EWSR1: variants seen among roughly 807,000 people sequenced by gnomAD.
EWSR1 encodes RNA-binding protein EWS.
In EWSR1, 14 loss-of-function variants were observed where a neutral mutation model predicts 92.1. The ratio of observed to expected loss-of-function variants is 0.15; its 90% confidence interval spans 0.10 to 0.24. EWSR1 has a LOEUF of 0.24. EWSR1 is among the 10% of genes least tolerant of loss of function. EWSR1 has a pLI of 1.00. For synonymous variants in EWSR1, 303 were observed against 292.9 expected, an observed-to-expected ratio of 1.03 and a Z score of -0.35; for missense variants, 637 against 870.9, an observed-to-expected ratio of 0.73 and a Z score of 3.38.
chr22:29,268,912 C>A (rs1449264450), intron 1 of EWSR1, among the ~76,000 whole-genome samples: 1 of 152,254 alleles, frequency 6.6e-6, no homozygotes, highest in Non-Finnish European at 1.5e-5. Flanking sequence ...TCTGGCGCTG[C>A]CGAGCTGCCC....
At chr22:29,269,584 A>G (rs1449183631) in intron 1 of EWSR1, 1 of 152,214 alleles carries the variant, frequency 6.6e-6, no homozygotes, top group Non-Finnish European at 1.5e-5. Context: ...AGTTCTGGGC[A>G]CTCCAGAGTT....
intron 7 of EWSR1, among the ~76,000 whole-genome samples, chr22:29,287,748 G>A (rs977090906): frequency 6.6e-6 from 1 of 152,224 alleles, no homozygotes; most frequent in Non-Finnish European, 1.5e-5. Context: ...TATGCAGTGA[G>A]TAAATTCAAC....
intron 6 of EWSR1, among the ~76,000 whole-genome samples, chr22:29,286,118 C>T (rs1482258639): frequency 1.3e-5 from 2 of 151,616 alleles, no homozygotes; most frequent in African/African-American, 2.4e-5. Context: ...AGATTACAAG[C>T]GTGAGCCACC....
intron 3 of EWSR1, among the ~76,000 whole-genome samples, chr22:29,273,059 A>G (rs2058811859): frequency 1.3e-5 from 2 of 152,248 alleles, no homozygotes; most frequent in Admixed American, 6.5e-5. Flanking sequence ...CAGATCTTAC[A>G]TAACTGGTCA....
rs558460548 is a variant in EWSR1 at position 29,268,718 on chromosome 22, G to C, written c.13+369G>C. Among the ~76,000 whole-genome samples the C allele has an allele frequency of 6.7e-4, 102 of 152,354 alleles. 1 individual carries two copies. Among genetic ancestry groups the C allele is most frequent in the African/African-American group, 2.3e-3 (94 of 41,598 alleles). On this transcript the variant is annotated intron_variant, in intron 1 of 16. Transcript: ENST00000397938. ...GGAGGATTTGGCCAGGCCTCAAGCC[G>C]GTCACTATGAAACCGCCGGGGGGCC...
At position 29,279,219 on chromosome 22, in the gene EWSR1, T is replaced by C. The variant is rs546707564; in HGVS notation, c.413+1003T>C. ...TACTTTTGATGCTTTTATCTTTGATTTCATTGACCCTGTAAATGGGTAACC... is the reference window on the plus strand; with the variant it reads ...TACTTTTGATGCTTTTATCTTTGATCTCATTGACCCTGTAAATGGGTAACC... On this transcript the variant is annotated intron_variant, in intron 5 of 16. Transcript: ENST00000397938. 2.3e-4 allele frequency among the ~76,000 whole-genome samples: 35 copies of C among 152,314 alleles called. No homozygotes were observed. In the South Asian group the frequency reaches 6.6e-3, roughly 29 times the overall value.
At chr22:29,271,893 T>G (rs1250095082) in intron 1 of EWSR1, among the ~76,000 whole-genome samples, 1 of 152,220 alleles carries the variant, frequency 6.6e-6, no homozygotes, top group East Asian at 1.9e-4. Context: ...TGTCAGTCTG[T>G]GATATTGATG....
At chr22:29,292,392 A>AT in intron 10 of EWSR1, 96 bp from the exon 11 acceptor site, 2 of 989,474 alleles carry the variant, frequency 2.0e-6, no homozygotes, top group Non-Finnish European at 3.1e-6. Flanking sequence ...GTTTTCTTAG[A>AT]TTTATGATGA....
intron 1 of EWSR1, among the ~76,000 whole-genome samples, chr22:29,271,609 G>C (rs1166841937): frequency 6.6e-6 from 1 of 152,152 alleles, no homozygotes; most frequent in Non-Finnish European, 1.5e-5. Context: ...AATATATCTA[G>C]CTTTTAAGTT....
rs374370891 is a variant in EWSR1, at chr22:29,298,899, T to C, written c.1580+4T>C. ...GAGACTGGCAGTGTCCCAATCCGTATGTACTTGTCTTGGCAAATTGATACC... is the reference window on the plus strand; with the variant it reads ...GAGACTGGCAGTGTCCCAATCCGTACGTACTTGTCTTGGCAAATTGATACC... On this transcript the variant is annotated splice_donor_region_variant and intron_variant, in intron 14 of 16. Transcript: ENST00000397938. 6.1e-5 allele frequency: 94 copies of C among 1,536,778 alleles called. No individual in the cohort carries two copies. The highest frequency in any genetic ancestry group is 7.8e-5 in the Non-Finnish European group (90 of 1,148,422).
Position 29,297,947 on chromosome 22 carries a change from G to C in EWSR1, c.1415G>C (p.Gly472Ala). 2 of 1,611,752 alleles carry C rather than the reference G, an allele frequency of 1.2e-6. No individual in the cohort carries two copies. Among genetic ancestry groups the C allele is most frequent in the Non-Finnish European group, 1.7e-6 (2 of 1,179,140 alleles). The change falls in exon 13 of 17, where the codon GGA becomes GCA. Residue 472 changes from glycine (G) to alanine (A), a missense_variant and splice_region_variant. Transcript: ENST00000397938. ...EGRGMPPPLR[G>A]GPGGPGGPGG... ...AGAGGCATGCCACCACCACTCCGTG[G>C]AGGTACTTTTTCTGAGCTCCTATGT...
In EWSR1 at chr22:29,299,306, C is replaced by T. The variant is rs765577876; in HGVS notation, c.1653C>T (p.Phe551=). 4 of 1,613,886 alleles carry T rather than the reference C, an allele frequency of 2.5e-6. No individual in the cohort carries two copies. The South Asian group carries it at 3.3e-5, about 13-fold the overall frequency. Residue 551 remains phenylalanine (F), a synonymous_variant, in exon 15 of 17, where the codon TTC becomes TTT. Transcript: ENST00000397938. ...GTAAGGCCCCAAAGCCTGAAGGCTT[C>T]CTCCCGCCACCCTTTCCGCCCCCGG... ...NQCKAPKPEG[F]LPPPFPPPGG... is the part of the protein sequence containing the mutation.
chr22:29,296,139 T>A, intron 11 of EWSR1, 100 bp from the exon 12 acceptor site: 1 of 1,198,792 alleles, frequency 8.3e-7, no homozygotes, highest in Non-Finnish European at 1.2e-6. Context: ...AGTGACTTAC[T>A]ACATGTGAGA....
intron 6 of EWSR1, among the ~76,000 whole-genome samples, chr22:29,286,252 G>C (rs1248063294): frequency 6.6e-6 from 1 of 152,050 alleles, no homozygotes; most frequent in African/African-American, 2.4e-5. Context: ...CCGGGTTCAT[G>C]CCATTCCCCC....
intron 4 of EWSR1, among the ~76,000 whole-genome samples, chr22:29,274,885 C>G (rs1331744046): frequency 6.6e-6 from 1 of 152,098 alleles, no homozygotes; most frequent in Non-Finnish European, 1.5e-5. Context: ...GCTGTCTCCC[C>G]CTGCCCTTTT....
At chr22:29,290,094 T>A in intron 8 of EWSR1, 1 of 269,560 alleles carries the variant, frequency 3.7e-6, no homozygotes, top group Non-Finnish European at 7.0e-6. Context: ...CTACTAATTG[T>A]GCTAGACTTT....
intron 3 of EWSR1, among the ~76,000 whole-genome samples, chr22:29,273,039 A>T (rs2058809484): frequency 6.6e-6 from 1 of 152,230 alleles, no homozygotes; most frequent in South Asian, 2.1e-4. Flanking sequence ...GCAGAATGTG[A>T]TGTCTCTGGC....
rs543153803 is a variant in EWSR1, at chr22:29,296,058, A to G, written c.1165-181A>G. On this transcript the variant is annotated intron_variant, in intron 11 of 16. Transcript: ENST00000397938. ...ACTTTGGTCTACTTTGGTTTTTATGATAAAGCAGGGATAGAGGAGAAAATA... is the reference window on the plus strand; with the variant it reads ...ACTTTGGTCTACTTTGGTTTTTATGGTAAAGCAGGGATAGAGGAGAAAATA... 10 of 639,768 alleles carry G rather than the reference A, an allele frequency of 1.6e-5. No individual in the cohort carries two copies. In the East Asian group the frequency reaches 3.0e-4, roughly 19 times the overall value. The allele number at this position is 639,768 out of a possible 1,614,324, so 39.6% of individuals were successfully genotyped here.
At chr22:29,291,750 T>TA (rs769378580) in intron 9 of EWSR1, 151 bp downstream of exon 9, 23 of 695,512 alleles carry the variant, frequency 3.3e-5, no homozygotes, top group Admixed American at 6.2e-5. Context: ...TCTTAGGGGT[T>TA]AATAAGGTTA....
Sources: gnomAD v4.1 joint callset for allele counts (sites outside exome capture counted in the v4.1 genomes callset) on GRCh38, gnomAD v4.1.1 for gene constraint, MANE v1.5 for transcripts, NCBI Gene and HGNC (gene_info 2026-07-23, HGNC 2026-07-21) for gene names.